Variants in ACSF3 observed in about 807,000 individuals in gnomAD.
The protein encoded by ACSF3 is acyl-CoA synthetase family member 3.
Under a neutral mutation model 53.2 loss-of-function variants are expected in ACSF3, and 78 were observed. The ratio of observed to expected loss-of-function variants is 1.47; its 90% CI spans 1.22 to 1.77. The LOEUF (loss-of-function observed/expected upper bound fraction) is 1.77, where lower values mean the gene tolerates loss of function less well. Among genes scored for constraint, ACSF3 ranks in the 40% most tolerant of loss-of-function variants. The probability of loss-of-function intolerance (pLI) is 0.00; values close to 1 mark genes in which losing one functional copy is unlikely to be tolerated. For missense variants in ACSF3, 937 were observed against 771.1 expected (o/e 1.22, Z -2.55); for synonymous variants, 414 against 333.1 (o/e 1.24, Z -2.65).
chr16:89,124,162 CACAT>C (rs1907409296), intron 7 of ACSF3, among the ~76,000 whole-genome samples: 1 of 152,080 alleles, frequency 6.6e-6, no homozygotes, highest in Non-Finnish European at 1.5e-5. Flanking sequence ...GTATCACACA[CACAT>C]ACACATTGTG....
At chr16:89,118,497 G>A (rs1167782069) in intron 6 of ACSF3, among the ~76,000 whole-genome samples, 3 of 152,208 alleles carry the variant, frequency 2.0e-5, no homozygotes, top group African/African-American at 7.2e-5. Flanking sequence ...CCCTTGGGTC[G>A]GCTCCAGCCA....
At chr16:89,119,274 C>G (rs932138649) in intron 6 of ACSF3, among the ~76,000 whole-genome samples, 3 of 152,240 alleles carry the variant, frequency 2.0e-5, no homozygotes, top group East Asian at 1.9e-4. Context: ...CCAGCCGTGC[C>G]GTGTCCTTGC....
intron 4 of ACSF3, among the ~76,000 whole-genome samples, chr16:89,107,475 G>A (rs1010873326): frequency 2.1e-5 from 3 of 144,860 alleles, no homozygotes; most frequent in African/African-American, 7.3e-5. Context: ...CGCGTGCTCC[G>A]TTTTCCGTGC....
intron 6 of ACSF3, among the ~76,000 whole-genome samples, chr16:89,117,874 C>A (rs1256143107): frequency 1.8e-5 from 2 of 113,702 alleles, no homozygotes; most frequent in African/African-American, 6.2e-5. Flanking sequence ...GTGCACCAAT[C>A]CCCGAGTCTT....
chr16:89,111,677 T>C lies in ACSF3; in HGVS notation c.823-415T>C, dbSNP rs554319896. Among the ~76,000 whole-genome samples, 83 of 152,372 alleles carry C rather than the reference T, an allele frequency of 5.4e-4. 1 individual carries two copies. Among genetic ancestry groups the C allele is most frequent in the African/African-American group, 1.8e-3 (74 of 41,584 alleles). ...AAATATAAAATTCACATGACTCTTT[T>C]AAATAAAAGACTTCACCCGTTCGCT... On this transcript the variant is annotated intron_variant, in intron 4 of 10. Transcript: ENST00000614302.
intron 6 of ACSF3, among the ~76,000 whole-genome samples, chr16:89,119,970 G>A (rs1244564495): frequency 6.6e-6 from 1 of 152,232 alleles, no homozygotes; most frequent in African/African-American, 2.4e-5. Flanking sequence ...AAGGCCTCAC[G>A]CCCCGGGATA....
intron 4 of ACSF3, among the ~76,000 whole-genome samples, chr16:89,109,229 CAAAAAAA>C (rs773650798): frequency 7.3e-5 from 5 of 68,568 alleles, no homozygotes; most frequent in Admixed American, 1.8e-4. Context: ...AAGACTGTCT[CAAAAAAA>C]AAAAAAAAAA....
chr16:89,110,296 G>A (rs1390265796), intron 4 of ACSF3, among the ~76,000 whole-genome samples: 1 of 152,182 alleles, frequency 6.6e-6, no homozygotes, highest in Non-Finnish European at 1.5e-5. Context: ...ATACGTGGAG[G>A]TTTCTGACCC....
intron 1 of ACSF3, among the ~76,000 whole-genome samples, chr16:89,096,634 G>T (rs1974643766): frequency 6.6e-6 from 1 of 152,172 alleles, no homozygotes; most frequent in African/African-American, 2.4e-5. Flanking sequence ...GACTTTGTCA[G>T]TATTTCTCAA....
In ACSF3 at chr16:89,155,914, G is replaced by C. The variant is rs976112765; in HGVS notation, c.*1707G>C. 2 of 376,450 alleles carry C rather than the reference G, an allele frequency of 5.3e-6. No homozygotes were observed. The highest frequency in any genetic ancestry group is 6.5e-5 in the Admixed American group (2 of 30,682). 23.3% of individuals were successfully genotyped at this position (376,450 alleles called of 1,614,324 possible). Reference sequence around the variant, plus strand: ...TCTGCTGACAATACTACAAACTACAGAAAGCCTGGAGCTCATTGACCAGAA... The same window carrying C: ...TCTGCTGACAATACTACAAACTACACAAAGCCTGGAGCTCATTGACCAGAA... On this transcript the variant is annotated 3_prime_UTR_variant, in exon 11 of 11. Coordinates refer to ENST00000614302, the MANE Select transcript of ACSF3 (RefSeq NM_001243279.3).
chr16:89,133,324 G>A (rs1392677338), intron 8 of ACSF3, 62 bp downstream of exon 8: 1 of 1,607,388 alleles, frequency 6.2e-7, no homozygotes, highest in Admixed American at 1.7e-5. Context: ...ACTCATTGCT[G>A]CCCACGTTGA....
In ACSF3 at chr16:89,142,054, G is replaced by T. The variant is rs529278258; in HGVS notation, c.1367-3213G>T. ...CCGGCACAGAAGCCTGGGGCCCTGG[G>T]AATGGCACCATGTTGCGCGCCGACC... On this transcript the variant is annotated intron_variant, in intron 8 of 10. Coordinates refer to ENST00000614302, the MANE Select transcript of ACSF3 (RefSeq NM_001243279.3). 1.2e-4 allele frequency among the ~76,000 whole-genome samples: 19 copies of T among 152,342 alleles called. No individual in the cohort carries two copies. In the South Asian group the frequency reaches 3.9e-3, roughly 32 times the overall value.
chr16:89,107,856 C>A (rs139789800), intron 4 of ACSF3, among the ~76,000 whole-genome samples: 1 of 152,310 alleles, frequency 6.6e-6, no homozygotes, highest in East Asian at 1.9e-4. Context: ...ACGCCCCCAG[C>A]CCCATTCTGC....
chr16:89,117,208 T>G (rs1354432838), intron 6 of ACSF3, among the ~76,000 whole-genome samples: 2 of 152,208 alleles, frequency 1.3e-5, no homozygotes, highest in South Asian at 4.1e-4. Context: ...TCATGATGAC[T>G]GTTCATCCAC....
intron 4 of ACSF3, among the ~76,000 whole-genome samples, chr16:89,106,815 A>T (rs1040309487): frequency 1.3e-5 from 2 of 152,226 alleles, no homozygotes; most frequent in African/African-American, 4.8e-5. Flanking sequence ...GAACGATCTC[A>T]GACGCGGTGT....
intron 5 of ACSF3, chr16:89,113,924 G>A (rs1174992030): frequency 1.5e-5 from 5 of 335,926 alleles, no homozygotes; most frequent in Non-Finnish European, 2.9e-5. Context: ...GTCCCCGGAT[G>A]TGCCTGGCCG....
Position 89,101,098 on chromosome 16 carries a change from C to T in ACSF3, c.417C>T (p.Cys139=), listed in dbSNP as rs775755554. The part of the protein sequence containing the change: ...HPAAQLEYVI[C]DSQSSVVLAS... ...CGGCCCAGCTGGAGTATGTCATCTG[C>T]GACTCCCAGAGCTCTGTGGTCCTTG... Residue 139 remains cysteine (C), a synonymous_variant, in exon 3 of 11, where the codon TGC becomes TGT. Transcript: ENST00000614302. 1.5e-5 allele frequency: 24 copies of T among 1,613,972 alleles called. No individual in the cohort carries two copies. The highest frequency in any genetic ancestry group is 1.3e-4 in the Admixed American group (8 of 60,010).
chr16:89,137,008 C>T lies in ACSF3; in HGVS notation c.1366+3746C>T, dbSNP rs549409834. ...CCACGTGCCCTCGCTCAGAGACACA[C>T]GCGCACATTTGCCACCTGGGGCGAG... On this transcript the variant is annotated intron_variant, in intron 8 of 10. Coordinates refer to ENST00000614302, the MANE Select transcript of ACSF3 (RefSeq NM_001243279.3). Among the ~76,000 whole-genome samples the T allele has an allele frequency of 8.5e-5, 13 of 152,358 alleles. No individual in the cohort carries two copies. The East Asian group carries it at 1.4e-3, about 16-fold the overall frequency.
chr16:89,110,771 G>A (rs1329369910), intron 4 of ACSF3, among the ~76,000 whole-genome samples: 1 of 152,220 alleles, frequency 6.6e-6, no homozygotes, highest in African/African-American at 2.4e-5. Context: ...ACAACATGGA[G>A]TGTTCCCGTC....
Sources: allele counts gnomAD v4.1 joint callset (sites outside exome capture counted in the v4.1 genomes callset), GRCh38; gene constraint gnomAD v4.1.1; transcripts MANE v1.5; gene names NCBI Gene and HGNC (gene_info 2026-07-23, HGNC 2026-07-21).